The following SRI variants were observed in gnomAD, a reference collection of about 807,000 sequenced individuals.
The protein encoded by SRI is sorcin.
A neutral mutation model predicts 33.3 loss-of-function variants in SRI; 30 were observed. That is an observed-to-expected ratio of 0.90 (90% CI 0.67 to 1.22). The LOEUF (loss-of-function observed/expected upper bound fraction) is 1.22. SRI is among the 50% of genes most tolerant of loss of function. The pLI is 0.00. For missense variants in SRI, 243 were observed against 250.8 expected (o/e 0.97, Z 0.21); for synonymous variants, 75 against 89.9 (o/e 0.83, Z 0.94).
chr7:88,226,840 TG>T, intron 1 of SRI: 1 of 1,523,904 alleles, frequency 6.6e-7, no homozygotes, highest in Non-Finnish European at 9.0e-7. Context: ...TTCTTATTCC[TG>T]ATTAGTAGAA....
chr7:88,216,861 A>G (rs73397643), intron 3 of SRI: 8,822 of 507,762 alleles, frequency 0.017, 666 homozygotes, highest in African/African-American at 0.15. Context: ...TGCAGCCAAA[A>G]ACTCTTGGCT....
chr7:88,209,635 G>C (rs911042343), intron 5 of SRI, among the ~76,000 whole-genome samples, 183 bp from the exon 6 acceptor site: 1 of 151,902 alleles, frequency 6.6e-6, no homozygotes, highest in African/African-American at 2.4e-5. Flanking sequence ...ATTTATTTAC[G>C]AGAGGGAGTC....
At chr7:88,214,740 TA>T (rs1851665757) in intron 3 of SRI, 1 of 562,232 alleles carries the variant, frequency 1.8e-6, no homozygotes, top group Non-Finnish European at 2.3e-6. Context: ...TGAAATTATT[TA>T]AATTAAATAA....
At chr7:88,209,063 T>G (rs953872677) in intron 6 of SRI, 1 of 301,056 alleles carries the variant, frequency 3.3e-6, no homozygotes, top group Non-Finnish European at 6.1e-6. Context: ...TTCATTATTA[T>G]CTGATCAAAA....
At chr7:88,209,838 A>G in intron 5 of SRI, 145 bp downstream of exon 5, 1 of 1,026,402 alleles carries the variant, frequency 9.7e-7, no homozygotes, top group Non-Finnish European at 1.5e-6. Context: ...CTGGTCTCGA[A>G]CTCCCGAGCT....
chr7:88,212,492 T>C (rs1026230548), intron 3 of SRI, among the ~76,000 whole-genome samples: 18 of 152,220 alleles, frequency 1.2e-4, no homozygotes, highest in Non-Finnish European at 1.8e-4. Flanking sequence ...GGCTGCACCA[T>C]AGAACAATTA....
intron 3 of SRI, among the ~76,000 whole-genome samples, chr7:88,215,628 C>T (rs939740224): frequency 4.6e-5 from 7 of 152,172 alleles, no homozygotes; most frequent in Non-Finnish European, 1.0e-4. Flanking sequence ...ATTAATTCCT[C>T]TAATTAGGAA....
rs142624221 is a variant in SRI, at chr7:88,211,221, G to A, written c.206-296C>T. On this transcript the variant is annotated intron_variant, in intron 3 of 7. Transcript: ENST00000265729. ...TAATCCCAGCACTTTGGGGGGTGCC[G>A]AGACAGGCGGATCACCTGAGGTCAG... Among the ~76,000 whole-genome samples the A allele has an allele frequency of 7.0e-3, 1,063 of 152,292 alleles. 2 individuals carry two copies. The highest frequency in any genetic ancestry group is 0.012 in the Non-Finnish European group (794 of 68,034).
upstream of SRI, among the ~76,000 whole-genome samples, chr7:88,222,217 C>T (rs1481827317): frequency 2.5e-4 from 38 of 150,898 alleles, no homozygotes; most frequent in South Asian, 8.4e-4. Flanking sequence ...AATGGGATGG[C>T]GGGTCAAATG....
chr7:88,213,284 C>G (rs555330933), intron 3 of SRI, among the ~76,000 whole-genome samples: 2 of 152,300 alleles, frequency 1.3e-5, no homozygotes, highest in South Asian at 2.1e-4. Context: ...CAGTGATCTA[C>G]TGCTCTCAGG....
chr7:88,214,355 G>A (rs73204162), intron 3 of SRI, among the ~76,000 whole-genome samples: 6,656 of 152,278 alleles, frequency 0.044, 174 homozygotes, highest in South Asian at 0.1. Context: ...GTGCATTACA[G>A]AGGACCTTGA....
At chr7:88,222,870 A>G (rs1470363418), upstream of SRI, among the ~76,000 whole-genome samples, 1 of 152,112 alleles carries the variant, frequency 6.6e-6, no homozygotes, top group Non-Finnish European at 1.5e-5. Context: ...TAAAGATTTA[A>G]ACGTTAGACC....
At chr7:88,224,895 G>A (rs1435723673), upstream of SRI, among the ~76,000 whole-genome samples, 2 of 152,072 alleles carry the variant, frequency 1.3e-5, no homozygotes, top group African/African-American at 4.8e-5. Flanking sequence ...TATGGCTATT[G>A]AGCCTGTGAA....
chr7:88,208,393 C>G, intron 7 of SRI, 114 bp downstream of exon 7: 2 of 1,490,930 alleles, frequency 1.3e-6, no homozygotes, highest in Non-Finnish European at 1.8e-6. Flanking sequence ...TTTTGAATCC[C>G]TTATGTCTCT....
chr7:88,208,422 A>C, intron 7 of SRI, 85 bp downstream of exon 7: 1 of 1,566,164 alleles, frequency 6.4e-7, no homozygotes, highest in Non-Finnish European at 8.7e-7. Flanking sequence ...TAACCTTAAG[A>C]TATTCTTAAC....
At chr7:88,225,993 T>A (rs1301011210) in intron 1 of SRI, among the ~76,000 whole-genome samples, 1 of 152,174 alleles carries the variant, frequency 6.6e-6, no homozygotes, top group Non-Finnish European at 1.5e-5. Context: ...CTTGTACTGA[T>A]TATCAAGTCT....
intron 1 of SRI, among the ~76,000 whole-genome samples, chr7:88,225,881 T>A (rs559735080): frequency 6.6e-6 from 1 of 152,340 alleles, no homozygotes; most frequent in African/African-American, 2.4e-5. Context: ...CAGATAATTA[T>A]TTTTTGATGA....
In SRI at chr7:88,226,626, G is replaced by T. The variant is rs141186904; in HGVS notation, c.6+283C>A. Among the ~76,000 whole-genome samples the T allele has an allele frequency of 8.1e-3, 1,238 of 152,270 alleles. 22 individuals are homozygous for T. The highest frequency in any genetic ancestry group is 0.029 in the African/African-American group (1,196 of 41,542). On this transcript the variant is annotated intron_variant, in intron 1 of 7. Transcript: ENST00000394641. Reference sequence around the variant, plus strand: ...TTCCAGAATGCCAAAATTCCATGAAGCATATATATAAGTCAGCTACATGTA... The same window carrying T: ...TTCCAGAATGCCAAAATTCCATGAATCATATATATAAGTCAGCTACATGTA...
At chr7:88,209,143 T>G in intron 6 of SRI, 196 bp downstream of exon 6, 1 of 438,524 alleles carries the variant, frequency 2.3e-6, no homozygotes, top group Non-Finnish European at 4.1e-6. Flanking sequence ...AATGGCAGAT[T>G]ACTTACTAAT....
Sources: allele counts gnomAD v4.1 joint callset (sites outside exome capture counted in the v4.1 genomes callset), GRCh38; gene constraint gnomAD v4.1.1; transcripts MANE v1.5; gene names NCBI Gene and HGNC (gene_info 2026-07-23, HGNC 2026-07-21).